The following ETFA variants were observed in gnomAD, a reference collection of about 807,000 sequenced individuals.
The protein encoded by ETFA is electron transfer flavoprotein subunit alpha.
Under a neutral mutation model 46.2 loss-of-function variants are expected in ETFA, and 22 were observed. That is an observed-to-expected ratio of 0.48 (90% CI 0.34 to 0.68). The LOEUF (loss-of-function observed/expected upper bound fraction) is 0.68. Among genes scored for constraint, ETFA ranks in the 30% least tolerant of loss-of-function variants. The probability of loss-of-function intolerance (pLI) is 0.01; values close to 1 mark genes in which losing one functional copy is unlikely to be tolerated. For missense variants in ETFA, 345 were observed against 401.1 expected (o/e 0.86, Z 1.19); for synonymous variants, 131 against 139.9 (o/e 0.94, Z 0.45).
intron 9 of ETFA, among the ~76,000 whole-genome samples, chr15:76,271,119 G>A (rs950620430): frequency 1.3e-4 from 18 of 143,388 alleles, no homozygotes; most frequent in African/African-American, 1.6e-4. Context: ...CCAGTGAGCC[G>A]AGATCACACC....
At chr15:76,283,671 G>T in intron 8 of ETFA, 86 bp downstream of exon 8, 1 of 971,874 alleles carries the variant, frequency 1.0e-6, no homozygotes, top group Middle Eastern at 2.2e-4. Flanking sequence ...TTGTAGGGCT[G>T]AAAGACTTAC....
At chr15:76,300,867 A>C (rs547966181) in intron 1 of ETFA, among the ~76,000 whole-genome samples, 6 of 152,132 alleles carry the variant, frequency 3.9e-5, no homozygotes, top group Admixed American at 2.6e-4. Context: ...TGCCTAGTGG[A>C]CCTCTTTCCC....
At chr15:76,245,936 T>TA in intron 9 of ETFA, among the ~76,000 whole-genome samples, 1 of 152,200 alleles carries the variant, frequency 6.6e-6, no homozygotes, top group East Asian at 1.9e-4. Context: ...GAGACTCTAT[T>TA]AAGTTCAACA....
intron 9 of ETFA, chr15:76,259,954 CCAA>C (rs2039388479): frequency 1.4e-6 from 2 of 1,409,104 alleles, no homozygotes; most frequent in African/African-American, 1.4e-5. Context: ...GAGGCTTACC[CCAA>C]CAAGTTTGGC....
chr15:76,284,998 A>G (rs946498935), intron 7 of ETFA: 2 of 306,878 alleles, frequency 6.5e-6, no homozygotes, highest in Non-Finnish European at 6.3e-6. Context: ...TTTTTTTCTC[A>G]ATGATACTTG....
At chr15:76,289,377 T>C (rs2141535553) in intron 4 of ETFA, among the ~76,000 whole-genome samples, 1 of 152,354 alleles carries the variant, frequency 6.6e-6, no homozygotes, top group East Asian at 1.9e-4. Flanking sequence ...CAGATTATCT[T>C]ACAAATTTTA....
At chr15:76,289,033 C>T (rs575679654) in intron 4 of ETFA, among the ~76,000 whole-genome samples, 1 of 149,428 alleles carries the variant, frequency 6.7e-6, no homozygotes, top group Admixed American at 6.8e-5. Context: ...GATTATTCTG[C>T]CTTGGCCTCC....
At chr15:76,274,311 G>T in intron 9 of ETFA, 101 bp downstream of exon 9, 1 of 934,322 alleles carries the variant, frequency 1.1e-6, no homozygotes, top group Non-Finnish European at 1.7e-6. Flanking sequence ...AACTGCTCAG[G>T]AACACTGAGT....
At chr15:76,230,967 CA>C (rs2039061213) in intron 10 of ETFA, 2 of 208,286 alleles carry the variant, frequency 9.6e-6, no homozygotes, top group African/African-American at 4.7e-5. Context: ...AGAACCTCAT[CA>C]AATTGTTTAA....
intron 9 of ETFA, among the ~76,000 whole-genome samples, chr15:76,244,907 A>G (rs1168310436): frequency 6.6e-6 from 1 of 152,166 alleles, no homozygotes; most frequent in Non-Finnish European, 1.5e-5. Flanking sequence ...GAAACTTACA[A>G]TTTTTAACTT....
rs116892302 is a variant in ETFA, at chr15:76,289,153, C to T, written c.352-1208G>A. On this transcript the variant is annotated intron_variant, in intron 4 of 11. Coordinates refer to ENST00000557943, the MANE Select transcript of ETFA (RefSeq NM_000126.4). ...CTTGCGTTGTTGTCCAGGCTGGTCTCGAATTCCTGGCCTCAGCTGATCCTC... is the reference window on the plus strand; with the variant it reads ...CTTGCGTTGTTGTCCAGGCTGGTCTTGAATTCCTGGCCTCAGCTGATCCTC... 3.8e-4 allele frequency among the ~76,000 whole-genome samples: 58 copies of T among 152,098 alleles called. No homozygotes were observed. In the East Asian group the frequency reaches 9.5e-3, roughly 25 times the overall value.
At chr15:76,217,368 T>C (rs985539401) in intron 11 of ETFA, among the ~76,000 whole-genome samples, 2 of 152,238 alleles carry the variant, frequency 1.3e-5, no homozygotes, top group South Asian at 4.1e-4. Flanking sequence ...TCATTCATTG[T>C]TCATTTCACA....
At chr15:76,233,085 G>A (rs7177923) in intron 9 of ETFA, among the ~76,000 whole-genome samples, 43,422 of 152,062 alleles carry the variant, frequency 0.29, 6,626 homozygotes, top group East Asian at 0.56. Flanking sequence ...ACAATTTGGC[G>A]TAATAAGACT....
intron 9 of ETFA, among the ~76,000 whole-genome samples, chr15:76,245,505 A>G (rs1331956546): frequency 1.3e-5 from 2 of 152,202 alleles, no homozygotes; most frequent in Admixed American, 6.5e-5. Context: ...TTGTTCCTAC[A>G]CAGACTTTTC....
At position 76,261,459 on chromosome 15, in the gene ETFA, A is replaced by G. The variant is rs772245318; in HGVS notation, c.816+12953T>C. ...TGAACCAGTTCTGGACCACAGACCC[A>G]TCCTTCACCCACTGGATGTCAGGCT... On this transcript the variant is annotated intron_variant, in intron 9 of 11. Coordinates refer to ENST00000557943, the MANE Select transcript of ETFA (RefSeq NM_000126.4). 4.2e-6 allele frequency: 4 copies of G among 952,628 alleles called. No individual in the cohort carries two copies. The Admixed American group carries it at 8.8e-5, about 21-fold the overall frequency. 59.0% of individuals were successfully genotyped at this position (952,628 alleles called of 1,614,324 possible).
At chr15:76,246,508 C>T (rs895776076) in intron 9 of ETFA, among the ~76,000 whole-genome samples, 3 of 152,144 alleles carry the variant, frequency 2.0e-5, no homozygotes, top group Non-Finnish European at 4.4e-5. Flanking sequence ...TCACCACTTC[C>T]GTTCAACAAT....
At chr15:76,293,839 G>T (rs143693378) in intron 2 of ETFA, among the ~76,000 whole-genome samples, 1 of 152,184 alleles carries the variant, frequency 6.6e-6, no homozygotes, top group Non-Finnish European at 1.5e-5. Flanking sequence ...TACTACAGAG[G>T]CCCTTTATTA....
chr15:76,309,537 T>C (rs992253953), intron 1 of ETFA, among the ~76,000 whole-genome samples: 20 of 152,242 alleles, frequency 1.3e-4, no homozygotes, highest in African/African-American at 4.8e-4. Flanking sequence ...TCAAAGTCTT[T>C]GGCAAACCAC....
chr15:76,282,350 AG>A (rs2039664199), intron 8 of ETFA, among the ~76,000 whole-genome samples: 1 of 152,168 alleles, frequency 6.6e-6, no homozygotes, highest in African/African-American at 2.4e-5. Context: ...GGAAAATAAC[AG>A]ATTATCTCCT....
Sources: gnomAD v4.1 joint callset for allele counts (sites outside exome capture counted in the v4.1 genomes callset) on GRCh38, gnomAD v4.1.1 for gene constraint, MANE v1.5 for transcripts, NCBI Gene and HGNC (gene_info 2026-07-23, HGNC 2026-07-21) for gene names.